Variants in MGAT4C observed in about 807,000 individuals in gnomAD.
MGAT4C encodes the protein MGAT4 family member C.
Under a neutral mutation model 40.1 loss-of-function variants are expected in MGAT4C, and 19 were observed. The ratio of observed to expected loss-of-function variants is 0.47; its 90% CI spans 0.33 to 0.70. The LOEUF (loss-of-function observed/expected upper bound fraction) is 0.70. MGAT4C is among the 30% of genes least tolerant of loss of function. The probability of loss-of-function intolerance (pLI) is 0.02; values close to 1 mark genes in which losing one functional copy is unlikely to be tolerated. For synonymous variants in MGAT4C, 181 were observed against 187.1 expected (o/e 0.97, Z 0.27); for missense variants, 491 against 563.2 (o/e 0.87, Z 1.30).
At chr12:86,830,778 A>G (rs1274895609) in intron 1 of MGAT4C, among the ~76,000 whole-genome samples, 1 of 151,240 alleles carries the variant, frequency 6.6e-6, no homozygotes, top group Non-Finnish European at 1.5e-5. Context: ...AGACGTGGAT[A>G]TCTACACCTC....
chr12:86,601,891 C>A (rs964591771), intron 2 of MGAT4C, among the ~76,000 whole-genome samples: 8 of 152,190 alleles, frequency 5.3e-5, no homozygotes, highest in Non-Finnish European at 1.5e-5. Context: ...CCTTCAGGCT[C>A]TCTGACCCAG....
intron 2 of MGAT4C, among the ~76,000 whole-genome samples, chr12:86,649,262 G>A (rs1367461777): frequency 6.6e-6 from 1 of 151,648 alleles, no homozygotes; most frequent in African/African-American, 2.4e-5. Flanking sequence ...TATTATAATA[G>A]TTTTGTACCC....
intron 1 of MGAT4C, among the ~76,000 whole-genome samples, chr12:86,790,516 T>G (rs184776246): frequency 1.3e-5 from 2 of 152,224 alleles, no homozygotes; most frequent in African/African-American, 4.8e-5. Context: ...AACTCAGGCT[T>G]TGCAAAAAAT....
chr12:86,339,486 G>C (rs1002537832), intron 3 of MGAT4C, among the ~76,000 whole-genome samples: 1 of 152,108 alleles, frequency 6.6e-6, no homozygotes, highest in East Asian at 1.9e-4. Context: ...TACTTCAAAT[G>C]AAAATTTATA....
chr12:86,599,776 G>A (rs1961694503), intron 2 of MGAT4C: 1 of 152,116 alleles, frequency 6.6e-6, no homozygotes, highest in African/African-American at 2.4e-5. Context: ...ATAATTAAAG[G>A]CATTAGGAGG....
rs115422984 is a variant in MGAT4C, at chr12:86,159,280, G to C, written c.-57+96959C>G. On this transcript the variant is annotated intron_variant, in intron 1 of 4. Coordinates refer to ENST00000611864, the MANE Select transcript of MGAT4C (RefSeq NM_001351288.2). The stretch of plus-strand genomic sequence containing the variant: ...TTTATCACATCATTTTCCGAGTATT[G>C]AGACGATTATATTGTTTGATTTTTT... 6.4e-3 allele frequency among the ~76,000 whole-genome samples: 966 copies of C among 152,018 alleles called. 6 individuals are homozygous for C. Among genetic ancestry groups the C allele is most frequent in the African/African-American group, 0.022 (924 of 41,506 alleles).
intron 2 of MGAT4C, among the ~76,000 whole-genome samples, chr12:86,547,844 A>C (rs188575085): frequency 1.3e-5 from 2 of 152,242 alleles, no homozygotes; most frequent in East Asian, 3.9e-4. Flanking sequence ...AATTTCTGGA[A>C]GTTTTCAGAA....
At chr12:86,103,049 A>C (rs1161031471) in intron 1 of MGAT4C, among the ~76,000 whole-genome samples, 2 of 152,140 alleles carry the variant, frequency 1.3e-5, no homozygotes, top group Admixed American at 1.3e-4. Flanking sequence ...CTGCATTTCA[A>C]GTATTTTTGG....
chr12:86,085,304 C>A (rs1314527399), intron 1 of MGAT4C, among the ~76,000 whole-genome samples: 1 of 151,898 alleles, frequency 6.6e-6, no homozygotes, highest in Non-Finnish European at 1.5e-5. Flanking sequence ...ACAGTATTGC[C>A]TAGATTTTCT....
rs1356611763 is a variant in MGAT4C at position 86,376,776 on chromosome 12, A to AAGAGAGAGAGAGAC, written c.-119-42663_-119-42650dup. ...TACGTACCTACATCAAAGAGCAAGA[A>AAGAGAGAGAGAGAC]AGAGAGAGAGAGACAGAGAGAGAGA... On this transcript the variant is annotated intron_variant, in intron 3 of 7. Coordinates refer to the MGAT4C transcript ENST00000548651. Among the ~76,000 whole-genome samples the AAGAGAGAGAGAGAC allele has an allele frequency of 2.8e-3, 412 of 145,294 alleles. 6 individuals are homozygous for AAGAGAGAGAGAGAC. Among genetic ancestry groups the AAGAGAGAGAGAGAC allele is most frequent in the Middle Eastern group, 0.016 (4 of 254 alleles).
At chr12:86,228,020 A>G (rs1377623713) in intron 1 of MGAT4C, among the ~76,000 whole-genome samples, 1 of 151,726 alleles carries the variant, frequency 6.6e-6, no homozygotes. Flanking sequence ...TATCTTGCTT[A>G]TGACCTCCTT....
At chr12:86,530,023 G>A (rs1026126234) in intron 2 of MGAT4C, among the ~76,000 whole-genome samples, 45 of 151,782 alleles carry the variant, frequency 3.0e-4, no homozygotes, top group African/African-American at 1.0e-3. Context: ...TCACATTTTC[G>A]TATCTTTTTT....
In MGAT4C at chr12:86,611,333, C is replaced by A. The variant is rs1240563758; in HGVS notation, c.-229+115876G>T. 2.0e-5 allele frequency among the ~76,000 whole-genome samples: 3 copies of A among 152,012 alleles called. No homozygotes were observed. In the East Asian group the frequency reaches 5.8e-4, roughly 29 times the overall value. ...ACGCAAAGACGTGCAGACACACACA[C>A]ACACACGTATGATAGATAGACAGGC... On this transcript the variant is annotated intron_variant, in intron 2 of 7. Transcript: ENST00000548651.
intron 4 of MGAT4C, among the ~76,000 whole-genome samples, chr12:86,276,867 G>C (rs1953091829): frequency 6.6e-6 from 1 of 152,122 alleles, no homozygotes; most frequent in African/African-American, 2.4e-5. Context: ...CCAAATCTTG[G>C]CTATTATAAA....
At position 86,191,494 on chromosome 12, in the gene MGAT4C, G is replaced by T. The variant is rs55998036; in HGVS notation, c.-57+64745C>A. ...ATTCTGTCAAACTAACAAGTAAAAT[G>T]AGATTAGCTGATTGCTCCTAATTGT... On this transcript the variant is annotated intron_variant, in intron 1 of 4. Transcript: ENST00000611864. Among the ~76,000 whole-genome samples the T allele has an allele frequency of 3.3e-5, 5 of 151,698 alleles. 1 individual carries two copies. The highest frequency in any genetic ancestry group is 2.6e-4 in the Admixed American group (4 of 15,242).
chr12:86,563,143 G>A (rs1476938973), intron 2 of MGAT4C, among the ~76,000 whole-genome samples: 1 of 152,166 alleles, frequency 6.6e-6, no homozygotes, highest in East Asian at 1.9e-4. Context: ...GGGAACACTT[G>A]CATCCCTGAA....
chr12:86,273,829 A>G (rs908648259), intron 4 of MGAT4C, among the ~76,000 whole-genome samples: 1 of 152,276 alleles, frequency 6.6e-6, no homozygotes, highest in East Asian at 1.9e-4. Context: ...TGAAACCACA[A>G]ATAGTTTTAA....
At chr12:86,673,044 T>C (rs535963944) in intron 2 of MGAT4C, among the ~76,000 whole-genome samples, 1 of 152,322 alleles carries the variant, frequency 6.6e-6, no homozygotes, top group Admixed American at 6.5e-5. Flanking sequence ...GCAACATGTC[T>C]AATTTATCTC....
At chr12:86,571,660 T>C (rs1960372100) in intron 2 of MGAT4C, among the ~76,000 whole-genome samples, 2 of 152,080 alleles carry the variant, frequency 1.3e-5, no homozygotes, top group Admixed American at 6.6e-5. Flanking sequence ...TATGTACATG[T>C]GGACACATGC....
Sources: gnomAD v4.1 joint callset for allele counts (sites outside exome capture counted in the v4.1 genomes callset) on GRCh38, gnomAD v4.1.1 for gene constraint, MANE v1.5 for transcripts, NCBI Gene and HGNC (gene_info 2026-07-23, HGNC 2026-07-21) for gene names.